The following CERS4 variants were observed in gnomAD, a reference collection of about 807,000 sequenced individuals.
The protein encoded by CERS4 is LAG1 homolog, ceramide synthase 4.
In CERS4, 65 loss-of-function variants were observed where a neutral mutation model predicts 51.8. That is an observed-to-expected ratio of 1.26 (90% CI 1.03 to 1.54). The LOEUF is 1.54. Ranked by LOEUF, CERS4 falls within the 40% of genes most tolerant of loss-of-function variation. CERS4 has a pLI of 0.00. For missense variants in CERS4, 563 were observed against 500.4 expected (o/e 1.13, Z -1.19); for synonymous variants, 228 against 208.4 (o/e 1.09, Z -0.81).
chr19:8,216,812 C>T (rs909900015), intron 2 of CERS4, among the ~76,000 whole-genome samples: 1 of 152,028 alleles, frequency 6.6e-6, no homozygotes, highest in Non-Finnish European at 1.5e-5. Context: ...AGAGGTTGGA[C>T]TTGGGGGGCG....
rs1969398275 is a variant in CERS4 at position 8,256,634 on chromosome 19, T to C, written c.536T>C (p.Leu179Pro). ...CTGCTGCAGACTCTGAAGCCATCCC[T>C]GTACTGGTGGTACCTCTTGGAGCTG... ...RYPNQTLKPS[L>P]YWWYLLELGF... is the part of the protein sequence containing the mutation. Residue 179 changes from leucine (L) to proline (P), a missense_variant, in exon 8 of 12, where the codon CTG (leucine) becomes CCG (proline). Coordinates refer to ENST00000251363, the MANE Select transcript of CERS4 (RefSeq NM_024552.3). 1 of 1,613,338 alleles carries C rather than the reference T, an allele frequency of 6.2e-7. No homozygotes were observed. The highest frequency in any genetic ancestry group is 8.5e-7 in the Non-Finnish European group (1 of 1,179,646).
At chr19:8,223,659 G>A (rs117476590) in intron 2 of CERS4, among the ~76,000 whole-genome samples, 3,840 of 151,862 alleles carry the variant, frequency 0.025, 71 homozygotes, top group Non-Finnish European at 0.039. Context: ...GGCAGTGCAC[G>A]CCTATAATCC....
intron 2 of CERS4, among the ~76,000 whole-genome samples, chr19:8,224,358 G>A (rs1599524669): frequency 6.8e-6 from 1 of 148,022 alleles, no homozygotes; most frequent in African/African-American, 2.5e-5. Flanking sequence ...GGTGAGTAGA[G>A]ATTGTGCCAC....
At position 8,229,363 on chromosome 19, in the gene CERS4, T is replaced by C. The variant is rs146761546; in HGVS notation, c.-2+18501T>C. On this transcript the variant is annotated intron_variant, in intron 2 of 11. Coordinates refer to ENST00000251363, the MANE Select transcript of CERS4 (RefSeq NM_024552.3). ...TAACAACTCACATGCATGTGGACTATACCCTTAGAGCCTTCTTCTTCTTTC... is the reference window on the plus strand; with the variant it reads ...TAACAACTCACATGCATGTGGACTACACCCTTAGAGCCTTCTTCTTCTTTC... Among the ~76,000 whole-genome samples, 350 of 152,110 alleles carry C rather than the reference T, an allele frequency of 2.3e-3. 2 individuals are homozygous for C. The highest frequency in any genetic ancestry group is 8.0e-3 in the African/African-American group (331 of 41,522).
chr19:8,255,712 TTC>T lies in CERS4; in HGVS notation c.399_400del (p.Phe133LeufsTer2). 1 of 1,612,828 alleles carries T rather than the reference TTC, an allele frequency of 6.2e-7. No homozygotes were observed. Among genetic ancestry groups the T allele is most frequent in the Non-Finnish European group, 8.5e-7 (1 of 1,179,630 alleles). ...GGATCGACCCCAGCTGACCAAGAAG[TTC>T]TGTGAGGCCAGGTAAGCCCAGGATG... ...NQDRPQLTKK[F>X]CEASWRFLFY... On this transcript the variant is annotated frameshift_variant, in exon 5 of 12. Transcript: ENST00000251363. LOFTEE classifies it high-confidence loss of function.
At chr19:8,246,552 A>G (rs775038449) in intron 2 of CERS4, among the ~76,000 whole-genome samples, 2 of 151,962 alleles carry the variant, frequency 1.3e-5, no homozygotes, top group African/African-American at 2.4e-5. Context: ...GACCCTGTCT[A>G]AAAAAACAAA....
chr19:8,251,799 A>AT (rs1969094942), intron 3 of CERS4, among the ~76,000 whole-genome samples: 3 of 105,230 alleles, frequency 2.9e-5, no homozygotes, highest in African/African-American at 3.8e-5. Context: ...GCAAGACTCC[A>AT]TAAAAAAAAA....
intron 10 of CERS4, 22 bp downstream of exon 10, chr19:8,258,007 G>A: frequency 6.4e-7 from 1 of 1,561,752 alleles, no homozygotes. Context: ...CTCCCATGGG[G>A]GTCAGGGAGG....
intron 2 of CERS4, among the ~76,000 whole-genome samples, chr19:8,245,934 G>T (rs566494655): frequency 6.7e-6 from 1 of 148,972 alleles, no homozygotes; most frequent in Admixed American, 6.7e-5. Context: ...AAAAGCTGGT[G>T]GGGGGCAGGG....
At chr19:8,249,777 G>C (rs1968982163) in intron 2 of CERS4, among the ~76,000 whole-genome samples, 1 of 151,552 alleles carries the variant, frequency 6.6e-6, no homozygotes. Flanking sequence ...TTTTAGTAGA[G>C]ACAGGGTTTC....
At chr19:8,245,568 C>T (rs186962002) in intron 2 of CERS4, among the ~76,000 whole-genome samples, 10 of 151,512 alleles carry the variant, frequency 6.6e-5, no homozygotes, top group Admixed American at 6.6e-4. Flanking sequence ...GAGATGAAGT[C>T]TCGCTCTCTC....
chr19:8,256,497 G>T, intron 7 of CERS4, 121 bp from the exon 8 acceptor site: 6 of 1,049,688 alleles, frequency 5.7e-6, no homozygotes, highest in Non-Finnish European at 7.0e-6. Flanking sequence ...CAGGGATGGG[G>T]AGCTCACTCA....
rs573073274 is a variant in CERS4 at position 8,251,181 on chromosome 19, C to T, written c.105C>T (p.His35=). 9.3e-6 allele frequency: 15 copies of T among 1,613,512 alleles called. No individual in the cohort carries two copies. In the South Asian group the frequency reaches 1.4e-4, roughly 15 times the overall value. ...LEDRDGRVYP[H]PQDLLAALPL... The stretch of plus-strand genomic sequence containing the variant: ...ACCGGGATGGCCGTGTCTACCCCCA[C>T]CCCCAGGACTTGTTGGCAGCCCTGC... The change falls in exon 3 of 12, where the codon CAC becomes CAT. Residue 35 remains histidine (H), a synonymous_variant. Transcript: ENST00000251363.
rs761469829 is a variant in CERS4 at position 8,210,150 on chromosome 19, G to A, written c.-158-556G>A. 6.6e-6 allele frequency among the ~76,000 whole-genome samples: 1 copy of A among 152,156 alleles called. No homozygotes were observed. Among genetic ancestry groups the A allele is most frequent in the African/African-American group, 2.4e-5 (1 of 41,430 alleles). ...AAGCGGCGAGGAGAGTGTGGAACCC[G>A]TTCTCGGGGCGGTGGGGACCAGGGA... On this transcript the variant is annotated intron_variant, in intron 1 of 11. Transcript: ENST00000251363. The surrounding 1 kb of genome is among the most constrained non-coding windows in gnomAD (Gnocchi z 4.2).
chr19:8,261,569 G>A (rs555105242), intron 10 of CERS4, 119 bp from the exon 11 acceptor site: 18 of 1,138,594 alleles, frequency 1.6e-5, no homozygotes, highest in Non-Finnish European at 1.9e-5. Flanking sequence ...GGGGTGGGGG[G>A]CACTAGGGAG....
Position 8,262,012 on chromosome 19 carries a change from AG to A in CERS4, c.1089del (p.Asn364ThrfsTer23). The A allele has an allele frequency of 6.3e-7, 1 of 1,589,896 alleles. No individual in the cohort carries two copies. The highest frequency in any genetic ancestry group is 1.1e-5 in the South Asian group (1 of 87,592). On this transcript the variant is annotated frameshift_variant, in exon 12 of 12. Coordinates refer to ENST00000251363, the MANE Select transcript of CERS4 (RefSeq NM_024552.3). LOFTEE classifies it low-confidence loss of function (END_TRUNC). ...AAAAQEPLQL[K>X]NGAAGGPRPA... ...GCGGCCCAGGAACCTCTGCAGCTAAAGAACGGGGCAGCTGGAGGGCCCAGGC... is the reference window on the plus strand; with the variant it reads ...GCGGCCCAGGAACCTCTGCAGCTAAAAACGGGGCAGCTGGAGGGCCCAGGC...
chr19:8,213,920 C>G (rs146680386), intron 2 of CERS4, among the ~76,000 whole-genome samples: 5 of 152,056 alleles, frequency 3.3e-5, no homozygotes, highest in African/African-American at 9.7e-5. Context: ...GAGCCAAGAT[C>G]GCACTACTGC....
intron 2 of CERS4, among the ~76,000 whole-genome samples, chr19:8,246,458 T>C (rs561094600): frequency 6.6e-6 from 1 of 151,528 alleles, no homozygotes; most frequent in Non-Finnish European, 1.5e-5. Flanking sequence ...CTGCGGGGGC[T>C]GACATGAAAA....
In CERS4 at chr19:8,253,710, C is replaced by A. The variant is rs1293354495; in HGVS notation, c.174-789C>A. On this transcript the variant is annotated intron_variant, in intron 3 of 11. Coordinates refer to ENST00000251363, the MANE Select transcript of CERS4 (RefSeq NM_024552.3). ...GGTTCAAGCAATTCACCTGCCTCAACCTCCCGAGTAGCTGGGATTACAGGT... is the reference window on the plus strand; with the variant it reads ...GGTTCAAGCAATTCACCTGCCTCAAACTCCCGAGTAGCTGGGATTACAGGT... 3.3e-5 allele frequency among the ~76,000 whole-genome samples: 5 copies of A among 152,090 alleles called. 1 individual carries two copies. The highest frequency in any genetic ancestry group is 2.6e-4 in the Admixed American group (4 of 15,252).
Sources: allele counts gnomAD v4.1 joint callset (sites outside exome capture counted in the v4.1 genomes callset), GRCh38; gene constraint gnomAD v4.1.1; non-coding constraint Gnocchi (gnomAD v3.1); transcripts MANE v1.5; gene names NCBI Gene and HGNC (gene_info 2026-07-23, HGNC 2026-07-21).